Variants in ANK3 observed in about 807,000 individuals in gnomAD.
ANK3 encodes ankyrin 3, also known as ankyrin-3.
In ANK3, 57 loss-of-function variants were observed where a neutral mutation model predicts 370.9. The ratio of observed to expected loss-of-function variants is 0.15; its 90% CI spans 0.12 to 0.19. The LOEUF (loss-of-function observed/expected upper bound fraction) is 0.19, where lower values mean the gene tolerates loss of function less well. ANK3 is among the 10% of genes least tolerant of loss of function. ANK3 has a pLI of 1.00. For missense variants in ANK3, 4,439 were observed against 5,302.1 expected (o/e 0.84, Z 5.06); for synonymous variants, 1,929 against 1,946.3 (o/e 0.99, Z 0.23).
In ANK3 at chr10:60,286,451, A is replaced by G. The variant is rs555764676; in HGVS notation, c.115-6812T>C. 3.3e-5 allele frequency among the ~76,000 whole-genome samples: 5 copies of G among 152,290 alleles called. No individual in the cohort carries two copies. The East Asian group carries it at 9.6e-4, about 29-fold the overall frequency. ...TATAATTGCTAACATATAATAGTCC[A>G]TTATGTGATTATGACATAATGTATT... On this transcript the variant is annotated intron_variant, in intron 1 of 43. Coordinates refer to ENST00000280772, the MANE Select transcript of ANK3 (RefSeq NM_020987.5).
intron 2 of ANK3, among the ~76,000 whole-genome samples, chr10:60,484,899 T>TAC (rs1446341573): frequency 6.6e-6 from 1 of 152,194 alleles, no homozygotes; most frequent in Non-Finnish European, 1.5e-5. Context: ...CAAAGCCACA[T>TAC]ACACACACAT....
intron 1 of ANK3, among the ~76,000 whole-genome samples, chr10:60,701,409 A>G (rs1002649393): frequency 7.2e-6 from 1 of 139,596 alleles, no homozygotes; most frequent in Non-Finnish European, 1.6e-5. Context: ...GATACACTAG[A>G]AAAAAAAACA....
At chr10:60,104,805 G>A (rs1201421622) in intron 28 of ANK3, among the ~76,000 whole-genome samples, 2 of 152,038 alleles carry the variant, frequency 1.3e-5, no homozygotes, top group Non-Finnish European at 2.9e-5. Flanking sequence ...ATTATCAAGG[G>A]CTTACTATGT....
intron 1 of ANK3, among the ~76,000 whole-genome samples, chr10:60,386,740 T>G (rs1259043547): frequency 6.6e-6 from 1 of 152,232 alleles, no homozygotes; most frequent in Non-Finnish European, 1.5e-5. Context: ...CAAGAAAGCT[T>G]CGTCTTTGGC....
chr10:60,196,271 A>G (rs2096584056), intron 15 of ANK3, 28 bp from the exon 16 acceptor site: 2 of 1,593,752 alleles, frequency 1.3e-6, no homozygotes, highest in South Asian at 1.1e-5. Context: ...AACAACAACC[A>G]GTGTCAAAGG....
intron 2 of ANK3, among the ~76,000 whole-genome samples, chr10:60,408,103 T>C (rs536380879): frequency 5.9e-5 from 9 of 152,336 alleles, no homozygotes; most frequent in Admixed American, 4.6e-4. Context: ...AATAAATCCA[T>C]GGAAGGCAAT....
chr10:60,552,604 T>C (rs2077112696), intron 2 of ANK3, among the ~76,000 whole-genome samples: 1 of 152,214 alleles, frequency 6.6e-6, no homozygotes, highest in South Asian at 2.1e-4. Context: ...ATTTGAACTG[T>C]TTTTATGAAC....
chr10:60,419,731 A>G (rs2063740185), intron 2 of ANK3, among the ~76,000 whole-genome samples: 1 of 152,128 alleles, frequency 6.6e-6, no homozygotes, highest in African/African-American at 2.4e-5. Flanking sequence ...ACCTTTTTAA[A>G]AGAGAAAACA....
At chr10:60,601,519 G>T (rs1356367146) in intron 2 of ANK3, among the ~76,000 whole-genome samples, 2 of 151,948 alleles carry the variant, frequency 1.3e-5, no homozygotes, top group Admixed American at 1.3e-4. Flanking sequence ...CTCAAATTGA[G>T]GGGTATTCAA....
chr10:60,186,644 A>G, intron 17 of ANK3, 71 bp downstream of exon 17: 1 of 1,457,092 alleles, frequency 6.9e-7, no homozygotes, highest in Non-Finnish European at 9.5e-7. Context: ...TCTTCTGTGA[A>G]TTCTTAGTGA....
At chr10:60,395,068 G>C (rs979907462) in intron 2 of ANK3, among the ~76,000 whole-genome samples, 2 of 152,120 alleles carry the variant, frequency 1.3e-5, no homozygotes. Context: ...AATTAAAATT[G>C]ATATTCAATT....
rs1464396090 is a variant in ANK3, at chr10:60,468,995, G to GTACATA, written c.96+146190_96+146191insTATGTA. Among the ~76,000 whole-genome samples, 14 of 34,560 alleles carry GTACATA rather than the reference G, an allele frequency of 4.1e-4. 1 individual carries two copies. Among genetic ancestry groups the GTACATA allele is most frequent in the African/African-American group, 1.4e-3 (13 of 9,158 alleles). The allele number at this position is 34,560 out of a possible 152,430, so 22.7% of individuals were successfully genotyped here. Reference sequence around the variant, plus strand: ...CCACTATATATATACCACTTTTAGTGTGTATATATATATATATATATATAC... The same window carrying GTACATA: ...CCACTATATATATACCACTTTTAGTGTACATATGTATATATATATATATATATATAC... On this transcript the variant is annotated intron_variant, in intron 2 of 43. Transcript: ENST00000373827.
At chr10:60,386,418 C>A (rs1023113586) in intron 1 of ANK3, among the ~76,000 whole-genome samples, 6 of 151,662 alleles carry the variant, frequency 4.0e-5, no homozygotes, top group African/African-American at 1.2e-4. Context: ...CACCTAGACG[C>A]ATTTCCTTTC....
At chr10:60,243,704 A>G (rs12253367) in intron 7 of ANK3, among the ~76,000 whole-genome samples, 28,987 of 152,186 alleles carry the variant, frequency 0.19, 2,958 homozygotes, top group African/African-American at 0.25. Context: ...TATTATTTGT[A>G]TTACTTATTA....
intron 16 of ANK3, 116 bp downstream of exon 16, chr10:60,196,029 A>AT (rs1425207536): frequency 2.0e-5 from 17 of 838,324 alleles, no homozygotes; most frequent in Non-Finnish European, 2.8e-5. Flanking sequence ...TATTTCTGTG[A>AT]TTTTTTAGTG....
At chr10:60,105,846 G>T (rs1468896969) in intron 28 of ANK3, 59 bp downstream of exon 28, 1 of 1,510,844 alleles carries the variant, frequency 6.6e-7, no homozygotes, top group East Asian at 2.4e-5. Context: ...ATGTAATCTA[G>T]TCATTCCTTT....
intron 28 of ANK3, among the ~76,000 whole-genome samples, chr10:60,103,088 C>T (rs908937185): frequency 6.6e-6 from 1 of 151,984 alleles, no homozygotes; most frequent in African/African-American, 2.4e-5. Flanking sequence ...GTAGCTGGGA[C>T]TACAAGCACA....
At chr10:60,611,093 C>T (rs2078195177) in intron 2 of ANK3, among the ~76,000 whole-genome samples, 1 of 152,080 alleles carries the variant, frequency 6.6e-6, no homozygotes, top group Non-Finnish European at 1.5e-5. Context: ...ATATTTTATT[C>T]TTCCATATGC....
chr10:60,564,209 T>C (rs759563987), intron 2 of ANK3, among the ~76,000 whole-genome samples: 3 of 152,168 alleles, frequency 2.0e-5, no homozygotes, highest in Non-Finnish European at 2.9e-5. Context: ...AAACATTTTT[T>C]AAAAAATTTA....
Sources: allele counts gnomAD v4.1 joint callset (sites outside exome capture counted in the v4.1 genomes callset), GRCh38; gene constraint gnomAD v4.1.1; transcripts MANE v1.5; gene names NCBI Gene and HGNC (gene_info 2026-07-23, HGNC 2026-07-21).